The following SIPA1L1 variants were observed in gnomAD, a reference collection of about 807,000 sequenced individuals.
SIPA1L1 encodes the protein signal-induced proliferation-associated 1-like protein 1.
Under a neutral mutation model 162.7 loss-of-function variants are expected in SIPA1L1, and 26 were observed. That is an observed-to-expected ratio of 0.16 (90% confidence interval 0.12 to 0.22). The LOEUF (loss-of-function observed/expected upper bound fraction) is 0.22, where lower values mean the gene tolerates loss of function less well. Ranked by LOEUF, SIPA1L1 falls within the 10% of genes least tolerant of loss-of-function variation. The pLI is 1.00. For missense variants in SIPA1L1, 1,874 were observed against 2,241.0 expected, an observed-to-expected ratio of 0.84 and a Z score of 3.31; for synonymous variants, 829 against 837.4, an observed-to-expected ratio of 0.99 and a Z score of 0.17.
At chr14:71,663,325 G>A (rs746782644) in intron 10 of SIPA1L1, among the ~76,000 whole-genome samples, 4 of 151,956 alleles carry the variant, frequency 2.6e-5, no homozygotes, top group Middle Eastern at 3.2e-3. Context: ...TAGACTTACC[G>A]CATATCTCAA....
At chr14:71,545,791 C>A (rs951520905) in intron 4 of SIPA1L1, among the ~76,000 whole-genome samples, 2 of 152,052 alleles carry the variant, frequency 1.3e-5, no homozygotes, top group African/African-American at 4.8e-5. Context: ...AAAAAGTATT[C>A]ATTGTTTCAC....
chr14:71,457,770 ATTTT>A (rs1440403902), intron 2 of SIPA1L1, among the ~76,000 whole-genome samples: 1 of 150,326 alleles, frequency 6.7e-6, no homozygotes, highest in Non-Finnish European at 1.5e-5. Flanking sequence ...AATTTTTTGT[ATTTT>A]TAGTAGAGAT....
intron 2 of SIPA1L1, among the ~76,000 whole-genome samples, chr14:71,466,471 T>A (rs1344929585): frequency 6.6e-6 from 1 of 152,032 alleles, no homozygotes; most frequent in Non-Finnish European, 1.5e-5. Context: ...AAAGTGGAGT[T>A]CTCTAAGGAA....
intron 3 of SIPA1L1, among the ~76,000 whole-genome samples, chr14:71,516,682 T>G (rs904069699): frequency 6.6e-6 from 1 of 152,026 alleles, no homozygotes; most frequent in Non-Finnish European, 1.5e-5. Context: ...AAAATGCCTT[T>G]TTTTTTTTGG....
intron 2 of SIPA1L1, among the ~76,000 whole-genome samples, chr14:71,422,913 C>T (rs2043293851): frequency 6.6e-6 from 1 of 152,178 alleles, no homozygotes; most frequent in Admixed American, 6.5e-5. Flanking sequence ...ATCTTTTCTT[C>T]ACAGTGGCTG....
At chr14:71,529,062 A>G (rs925358885) in intron 3 of SIPA1L1, among the ~76,000 whole-genome samples, 1 of 152,172 alleles carries the variant, frequency 6.6e-6, no homozygotes, top group Admixed American at 6.5e-5. Flanking sequence ...TGGTGAGCCA[A>G]GATCGCACCA....
chr14:71,518,796 G>A (rs1371425368), intron 3 of SIPA1L1, among the ~76,000 whole-genome samples: 1 of 151,978 alleles, frequency 6.6e-6, no homozygotes, highest in African/African-American at 2.4e-5. Context: ...TCATGCTGCT[G>A]ATAAAGACAT....
chr14:71,598,910 T>C (rs1221786641), intron 5 of SIPA1L1, among the ~76,000 whole-genome samples: 1 of 152,110 alleles, frequency 6.6e-6, no homozygotes, highest in East Asian at 1.9e-4. Context: ...TTTTATTGTC[T>C]AACTGTTTGT....
intron 5 of SIPA1L1, among the ~76,000 whole-genome samples, chr14:71,603,393 A>G (rs1232323705): frequency 6.6e-6 from 1 of 151,842 alleles, no homozygotes; most frequent in Non-Finnish European, 1.5e-5. Context: ...TTATTAATTG[A>G]TTTCTAGTTA....
At chr14:71,438,512 T>C (rs888209579) in intron 2 of SIPA1L1, among the ~76,000 whole-genome samples, 2 of 152,196 alleles carry the variant, frequency 1.3e-5, no homozygotes, top group African/African-American at 4.8e-5. Context: ...TCTCAAAATA[T>C]CGCTCCCAAT....
intron 2 of SIPA1L1, among the ~76,000 whole-genome samples, chr14:71,442,167 T>C: frequency 8.7e-6 from 1 of 114,722 alleles, no homozygotes; most frequent in African/African-American, 3.8e-5. Flanking sequence ...AGCAAGACTC[T>C]GTCTCAAAAA....
At chr14:71,404,113 G>T (rs1346044751) in intron 2 of SIPA1L1, among the ~76,000 whole-genome samples, 2 of 151,914 alleles carry the variant, frequency 1.3e-5, no homozygotes, top group Non-Finnish European at 2.9e-5. Flanking sequence ...TTGAAGGTTG[G>T]CACTCAGGGG....
chr14:71,537,215 T>G (rs953354579), intron 4 of SIPA1L1, among the ~76,000 whole-genome samples: 8 of 152,226 alleles, frequency 5.3e-5, no homozygotes, highest in Non-Finnish European at 1.2e-4. Flanking sequence ...TTTATTTACT[T>G]ATTTTTTTGA....
intron 2 of SIPA1L1, among the ~76,000 whole-genome samples, chr14:71,456,698 TA>T (rs1386391403): frequency 6.6e-6 from 1 of 152,240 alleles, no homozygotes; most frequent in Non-Finnish European, 1.5e-5. Flanking sequence ...AATCCAGTTC[TA>T]AAAAGCTTTT....
chr14:71,689,538 G>A (rs761837527), intron 13 of SIPA1L1, among the ~76,000 whole-genome samples: 35 of 152,162 alleles, frequency 2.3e-4, no homozygotes, highest in Non-Finnish European at 4.0e-4. Flanking sequence ...AACATAATGC[G>A]GGATCAGCAA....
chr14:71,588,803 T>C lies in SIPA1L1; in HGVS notation c.931T>C (p.Ser311Pro). 1 of 1,614,132 alleles carries C rather than the reference T, an allele frequency of 6.2e-7. No individual in the cohort carries two copies. The highest frequency in any genetic ancestry group is 8.5e-7 in the Non-Finnish European group (1 of 1,180,000). Residue 311 changes from serine (S) to proline (P), a missense_variant, in exon 5 of 24, where the codon TCA (serine) becomes CCA (proline). By Grantham distance (74) the Ser-to-Pro change is moderately conservative (BLOSUM62 -1). This residue lies in a region of SIPA1L1 where 685 missense variants were observed against 828.0 expected (regional missense o/e 0.83). Transcript: ENST00000381232. This position sits in a 1 kb window ranked among gnomAD's most constrained non-coding sequence, Gnocchi z 4.3. ...CAAAGGTGAAGAACTTGGGAAGTCA[T>C]CAGATCTTGAAGATAACCGATCAGA... ...NAKGEELGKS[S>P]DLEDNRSEDS...
intron 2 of SIPA1L1, among the ~76,000 whole-genome samples, chr14:71,400,558 T>C (rs17767499): frequency 0.16 from 24,861 of 151,848 alleles, 2,646 homozygotes; most frequent in Middle Eastern, 0.34. Context: ...GATGTTGAGA[T>C]TGTATGTATG....
At chr14:71,649,871 C>A (rs1195411111) in intron 7 of SIPA1L1, among the ~76,000 whole-genome samples, 1 of 151,558 alleles carries the variant, frequency 6.6e-6, no homozygotes, top group African/African-American at 2.4e-5. Flanking sequence ...AAAAAAAAAA[C>A]TGCAAAAATA....
rs542663629 is a variant in SIPA1L1 at position 71,672,242 on chromosome 14, A to G, written c.2830-106A>G. 8.5e-5 allele frequency: 93 copies of G among 1,091,392 alleles called. No homozygotes were observed. The African/African-American group carries it at 1.1e-3, about 13-fold the overall frequency. 67.6% of individuals were successfully genotyped at this position (1,091,392 alleles called of 1,614,324 possible). On this transcript the variant is annotated intron_variant, in intron 11 of 23. Coordinates refer to ENST00000381232, the MANE Select transcript of SIPA1L1 (RefSeq NM_001386936.1). ...TAACCAGACTGCTCTTCAGCTGGCA[A>G]TAAGGTATTCAGAACTAACCCTGCT...
Sources: allele counts gnomAD v4.1 joint callset (sites outside exome capture counted in the v4.1 genomes callset), GRCh38; gene constraint gnomAD v4.1.1; regional missense constraint gnomAD v4.1.1; non-coding constraint Gnocchi (gnomAD v3.1); transcripts MANE v1.5; gene names NCBI Gene and HGNC (gene_info 2026-07-23, HGNC 2026-07-21).